The following CPXM2 variants were observed in gnomAD, a reference collection of about 807,000 sequenced individuals.
CPXM2 encodes the protein carboxypeptidase X, M14 family member 2.
CPXM2 carries 66 observed loss-of-function variants against 86.1 expected under a neutral mutation model. The ratio of observed to expected loss-of-function variants is 0.77; its 90% confidence interval spans 0.63 to 0.94. The LOEUF is 0.94. CPXM2 is among the 40% of genes least tolerant of loss of function. CPXM2 has a pLI of 0.00. For missense variants in CPXM2, 948 were observed against 1,026.3 expected, an observed-to-expected ratio of 0.92 and a Z score of 1.04; for synonymous variants, 388 against 400.2, an observed-to-expected ratio of 0.97 and a Z score of 0.36.
intron 4 of CPXM2, among the ~76,000 whole-genome samples, chr10:123,828,984 C>A (rs746543392): frequency 6.6e-6 from 1 of 152,060 alleles, no homozygotes; most frequent in Non-Finnish European, 1.5e-5. Flanking sequence ...CAACAAAAGA[C>A]ATATATCAAA....
At position 123,801,808 on chromosome 10, in the gene CPXM2, T is replaced by C. The variant is rs1170786700; in HGVS notation, c.654-2609A>G. On this transcript the variant is annotated intron_variant, in intron 4 of 13. Transcript: ENST00000241305. ...ATACTCTCTCTTGCCCCAGGGCCTT[T>C]GCACATACTGCTGCAGCTGTTTGAA... Among the ~76,000 whole-genome samples the C allele has an allele frequency of 2.4e-4, 36 of 152,220 alleles. 1 individual carries two copies. Among genetic ancestry groups the C allele is most frequent in the Admixed American group, 2.4e-3 (36 of 15,278 alleles).
intron 4 of CPXM2, among the ~76,000 whole-genome samples, chr10:123,822,710 G>T (rs1379186679): frequency 3.6e-5 from 4 of 112,468 alleles, no homozygotes; most frequent in Non-Finnish European, 7.4e-5. Context: ...GTAGGCAGCA[G>T]AAAATGGACC....
At position 123,782,051 on chromosome 10, in the gene CPXM2, C is replaced by T. The variant is rs1041167470; in HGVS notation, c.890-1796G>A. ...CAATTACAAACAAATAACTGTTATG[C>T]GAAGGGAAATAATGTAGGAGTGCAA... On this transcript the variant is annotated intron_variant, in intron 6 of 13. Coordinates refer to ENST00000241305, the MANE Select transcript of CPXM2 (RefSeq NM_198148.3). 7.2e-5 allele frequency among the ~76,000 whole-genome samples: 11 copies of T among 152,148 alleles called. No homozygotes were observed. In the East Asian group the frequency reaches 1.7e-3, roughly 24 times the overall value.
intron 4 of CPXM2, among the ~76,000 whole-genome samples, chr10:123,801,718 G>A (rs899097286): frequency 2.0e-5 from 3 of 152,018 alleles, no homozygotes; most frequent in Non-Finnish European, 2.9e-5. Flanking sequence ...TCCCCATCAC[G>A]TTCTACGAGA....
At chr10:123,799,273 G>A in intron 4 of CPXM2, 74 bp from the exon 5 acceptor site, 3 of 1,574,892 alleles carry the variant, frequency 1.9e-6, no homozygotes, top group South Asian at 2.2e-5. Context: ...GTTTAGAAGT[G>A]AGGAGAGCAG....
At chr10:123,881,229 T>TCCCCCCCCCCCCCCCCCCCCCCCC (rs1564811040) in intron 1 of CPXM2, among the ~76,000 whole-genome samples, 1 of 89,682 alleles carries the variant, frequency 1.1e-5, no homozygotes, top group African/African-American at 5.9e-5. Flanking sequence ...TGGAGCACCC[T>TCCCCCCCCCCCCCCCCCCCCCCCC]TCTCTTCCCT....
intron 1 of CPXM2, among the ~76,000 whole-genome samples, chr10:123,882,670 G>T (rs907597121): frequency 1.3e-5 from 2 of 152,126 alleles, no homozygotes; most frequent in South Asian, 4.1e-4. Context: ...CCTCCCTGGG[G>T]CCTCCATGGA....
At chr10:123,813,597 T>C (rs916165902) in intron 4 of CPXM2, among the ~76,000 whole-genome samples, 2 of 152,244 alleles carry the variant, frequency 1.3e-5, no homozygotes, top group Admixed American at 6.5e-5. Flanking sequence ...ATCACTTGCA[T>C]ATAATCTCCC....
chr10:123,803,874 A>G (rs1847519744), intron 4 of CPXM2, among the ~76,000 whole-genome samples: 1 of 151,970 alleles, frequency 6.6e-6, no homozygotes, highest in Non-Finnish European at 1.5e-5. Context: ...GTTTGCCAAG[A>G]TGGTCTCGAT....
intron 4 of CPXM2, among the ~76,000 whole-genome samples, chr10:123,808,125 C>A (rs1374814407): frequency 6.6e-6 from 1 of 152,006 alleles, no homozygotes; most frequent in Non-Finnish European, 1.5e-5. Context: ...TCAGAAAAAA[C>A]AGAGGAGGCA....
chr10:123,888,542 C>T (rs1412998960), intron 1 of CPXM2, among the ~76,000 whole-genome samples: 1 of 152,082 alleles, frequency 6.6e-6, no homozygotes, highest in Non-Finnish European at 1.5e-5. Flanking sequence ...TCTATTACAC[C>T]ACGAGCAGCA....
intron 13 of CPXM2, among the ~76,000 whole-genome samples, chr10:123,749,804 C>CTTGTT (rs972276928): frequency 6.6e-6 from 1 of 152,052 alleles, no homozygotes; most frequent in Non-Finnish European, 1.5e-5. Flanking sequence ...GAGTTCGTTT[C>CTTGTT]TTGTTTTGTT....
chr10:123,837,378 A>G (rs755989690), intron 4 of CPXM2, among the ~76,000 whole-genome samples: 49 of 152,206 alleles, frequency 3.2e-4, no homozygotes, highest in Admixed American at 2.0e-4. Flanking sequence ...TGCCCCACTT[A>G]AAAGACAAAT....
intron 2 of CPXM2, among the ~76,000 whole-genome samples, chr10:123,934,293 T>C (rs1257764882): frequency 6.6e-6 from 1 of 152,134 alleles, no homozygotes. Flanking sequence ...GAGTCTGAAA[T>C]GGCGGTGTCA....
intron 1 of CPXM2, among the ~76,000 whole-genome samples, chr10:123,890,282 G>A (rs908635397): frequency 3.3e-5 from 5 of 152,086 alleles, no homozygotes; most frequent in Admixed American, 1.3e-4. Flanking sequence ...AGAAATCTCC[G>A]CCCATTCAAA....
intron 4 of CPXM2, 128 bp downstream of exon 4, chr10:123,842,221 C>T (rs1249187846): frequency 3.9e-6 from 5 of 1,265,932 alleles, no homozygotes; most frequent in Middle Eastern, 5.7e-4. Context: ...TGTTCATATT[C>T]CAATTTTCTC....
intron 13 of CPXM2, chr10:123,750,313 G>C: frequency 6.1e-6 from 6 of 984,552 alleles, no homozygotes; most frequent in Non-Finnish European, 7.2e-6. Context: ...CCCAACGCAG[G>C]TCCTGGGGGC....
At chr10:123,776,164 C>T (rs73364734) in intron 7 of CPXM2, among the ~76,000 whole-genome samples, 1 of 152,264 alleles carries the variant, frequency 6.6e-6, no homozygotes, top group African/African-American at 2.4e-5. Context: ...CAAAGCTCAA[C>T]CCTATCTGGC....
At chr10:123,903,529 G>A (rs1459788630) in intron 2 of CPXM2, among the ~76,000 whole-genome samples, 1 of 152,196 alleles carries the variant, frequency 6.6e-6, no homozygotes, top group East Asian at 1.9e-4. Context: ...GAGATCTGGG[G>A]TACCCACCTG....
Sources: allele counts gnomAD v4.1 joint callset (sites outside exome capture counted in the v4.1 genomes callset), GRCh38; gene constraint gnomAD v4.1.1; transcripts MANE v1.5; gene names NCBI Gene and HGNC (gene_info 2026-07-23, HGNC 2026-07-21).